The following TEAD4 variants were observed in gnomAD, a reference collection of about 807,000 sequenced individuals.
TEAD4 encodes transcriptional enhancer factor TEF-3.
Under a neutral mutation model 52.4 loss-of-function variants are expected in TEAD4, and 36 were observed. The observed-to-expected ratio is 0.69, with a 90% CI of 0.53 to 0.91. TEAD4 has a LOEUF of 0.91. Among genes scored for constraint, TEAD4 ranks in the 40% least tolerant of loss-of-function variants. The pLI, the probability that TEAD4 is intolerant of heterozygous loss-of-function variation, is 0.00. For synonymous variants in TEAD4, 220 were observed against 231.0 expected (o/e 0.95, Z 0.43); for missense variants, 508 against 583.9 (o/e 0.87, Z 1.34).
intron 10 of TEAD4, among the ~76,000 whole-genome samples, chr12:3,025,432 T>A (rs1170337557): frequency 6.6e-6 from 1 of 152,242 alleles, no homozygotes; most frequent in Non-Finnish European, 1.5e-5. Flanking sequence ...GAAATGTCAT[T>A]ATTTTTATTA....
intron 12 of TEAD4, 44 bp from the exon 13 acceptor site, chr12:3,040,321 C>G: frequency 6.2e-7 from 1 of 1,613,860 alleles, no homozygotes; most frequent in Non-Finnish European, 8.5e-7. Context: ...CATGGCATGC[C>G]CCTTCTGGGG....
chr12:3,040,066 A>G (rs1462756225), intron 11 of TEAD4, 41 bp from the exon 12 acceptor site: 1 of 1,608,594 alleles, frequency 6.2e-7, no homozygotes, highest in Non-Finnish European at 8.5e-7. Flanking sequence ...GGAGGTGGTC[A>G]GAATGGGATT....
chr12:2,989,460 A>T (rs577479367), intron 2 of TEAD4, among the ~76,000 whole-genome samples: 6 of 152,188 alleles, frequency 3.9e-5, no homozygotes, highest in African/African-American at 1.4e-4. Flanking sequence ...TGTTTTTGAG[A>T]CAGAATCTCC....
chr12:2,989,088 A>G (rs2098241031), intron 2 of TEAD4, among the ~76,000 whole-genome samples: 1 of 152,072 alleles, frequency 6.6e-6, no homozygotes. Flanking sequence ...GCACAGGTAA[A>G]ACAACCCAGG....
chr12:2,969,651 C>T (rs184611815), intron 2 of TEAD4, among the ~76,000 whole-genome samples: 32 of 152,298 alleles, frequency 2.1e-4, no homozygotes, highest in South Asian at 6.2e-4. Flanking sequence ...GGTAGTACAG[C>T]GAAGCTGCAC....
chr12:3,001,040 C>T (rs1427509764), intron 3 of TEAD4, among the ~76,000 whole-genome samples: 2 of 152,168 alleles, frequency 1.3e-5, no homozygotes, highest in African/African-American at 2.4e-5. Flanking sequence ...CTCCTCCCTG[C>T]GGCCTACAAC....
chr12:2,996,583 T>C (rs2098247393), intron 3 of TEAD4, among the ~76,000 whole-genome samples: 1 of 152,146 alleles, frequency 6.6e-6, no homozygotes, highest in Non-Finnish European at 1.5e-5. Context: ...GCTAATTTTG[T>C]ATTTTTAGTA....
chr12:3,018,754 A>G (rs1375136628), intron 7 of TEAD4, among the ~76,000 whole-genome samples, 166 bp downstream of exon 7: 1 of 152,092 alleles, frequency 6.6e-6, no homozygotes, highest in Non-Finnish European at 1.5e-5. Context: ...ACTGTCAGCC[A>G]TCACTGGGCT....
chr12:2,964,427 G>A (rs1456762784), intron 2 of TEAD4, among the ~76,000 whole-genome samples: 5 of 152,022 alleles, frequency 3.3e-5, no homozygotes, highest in Non-Finnish European at 7.4e-5. Flanking sequence ...CCAGGCTGGG[G>A]TCGCTGGACA....
intron 6 of TEAD4, 77 bp downstream of exon 6, chr12:3,017,603 C>T: frequency 6.7e-7 from 1 of 1,501,892 alleles, no homozygotes; most frequent in Non-Finnish European, 8.9e-7. Flanking sequence ...GAGCCAGAAG[C>T]ATTGGCCAGC....
chr12:3,021,348 C>T (rs1347400707), intron 9 of TEAD4, among the ~76,000 whole-genome samples: 1 of 144,128 alleles, frequency 6.9e-6, no homozygotes, highest in East Asian at 2.1e-4. Context: ...CTCACTCTGT[C>T]ACCCAGGCTG....
intron 10 of TEAD4, among the ~76,000 whole-genome samples, chr12:3,023,623 T>A (rs1308980029): frequency 3.3e-4 from 48 of 147,666 alleles, no homozygotes; most frequent in African/African-American, 1.1e-3. Flanking sequence ...CTATCTCTAC[T>A]TAAAAAAAAA....
intron 10 of TEAD4, among the ~76,000 whole-genome samples, chr12:3,036,358 A>G (rs1004874256): frequency 1.1e-4 from 17 of 152,044 alleles, no homozygotes; most frequent in Non-Finnish European, 2.9e-5. Flanking sequence ...CTATTGTGCT[A>G]TAGACAATCA....
At position 2,968,375 on chromosome 12, in the gene TEAD4, C is replaced by T. The variant is rs1201230045; in HGVS notation, c.-30+8335C>T. ...TGCTGGGATTACAGGTGTGAGCCAC[C>T]GCGCCCGGCCTTTTTTTTTTTTTTT... On this transcript the variant is annotated intron_variant, in intron 2 of 12. Transcript: ENST00000359864. Among the ~76,000 whole-genome samples, 33 of 144,470 alleles carry T rather than the reference C, an allele frequency of 2.3e-4. 2 individuals carry two copies. The highest frequency in any genetic ancestry group is 8.4e-4 in the African/African-American group (33 of 39,300). The allele number at this position is 144,470 out of a possible 152,430, so 94.8% of individuals were successfully genotyped here. A position where few individuals can be genotyped will look rare whatever the true frequency, so the allele number is the denominator to read the frequency against.
chr12:2,971,189 G>A (rs1200837714), intron 2 of TEAD4, among the ~76,000 whole-genome samples: 3 of 152,178 alleles, frequency 2.0e-5, no homozygotes, highest in African/African-American at 4.8e-5. Flanking sequence ...ACTGCAAGAC[G>A]AAAGAACGTG....
Position 3,020,643 on chromosome 12 carries a change from C to T in TEAD4, c.593C>T (p.Ser198Phe), listed in dbSNP as rs1224622323. 3.8e-6 allele frequency: 6 copies of T among 1,577,638 alleles called. No homozygotes were observed. Among genetic ancestry groups the T allele is most frequent in the Non-Finnish European group, 5.2e-6 (6 of 1,160,376 alleles). Residue 198 changes from serine to phenylalanine, a missense_variant, in exon 9 of 13, where the codon TCT (serine) becomes TTT (phenylalanine). Transcript: ENST00000359864. Reference sequence around the variant, plus strand: ...TTCTCACTTTGTGCAGGGTTTGAGTCTCCTGCAGGGCCCGCCCCATCGCCC... The same window carrying T: ...TTCTCACTTTGTGCAGGGTTTGAGTTTCCTGCAGGGCCCGCCCCATCGCCC...
rs1297037007 is a variant in TEAD4 at position 3,019,211 on chromosome 12, G to A, written c.583+41G>A. The A allele has an allele frequency of 1.9e-6, 3 of 1,610,116 alleles. No individual in the cohort carries two copies. In the African/African-American group the frequency reaches 4.0e-5, roughly 21 times the overall value. On this transcript the variant is annotated intron_variant, in intron 8 of 12. Transcript: ENST00000359864. Reference sequence around the variant, plus strand: ...GTGGCCCCCTTTCTATCGCAGCCATGTGGCTCCTGCCTCTGGGTCCAGGCC... The same window carrying A: ...GTGGCCCCCTTTCTATCGCAGCCATATGGCTCCTGCCTCTGGGTCCAGGCC...
chr12:2,959,926 T>A lies in TEAD4; in HGVS notation c.-122-22T>A, dbSNP rs1182163601. The A allele has an allele frequency of 6.6e-6, 1 of 152,124 alleles. No individual in the cohort carries two copies. Among genetic ancestry groups the A allele is most frequent in the Non-Finnish European group, 1.5e-5 (1 of 68,046 alleles). 9.4% of individuals were successfully genotyped at this position (152,124 alleles called of 1,614,324 possible). ...CCGGCCGGAGCCCGGCTCTGCGCGC[T>A]GACGCCCTGTCGTCCCCGCAGAACG... On this transcript the variant is annotated intron_variant, in intron 1 of 12. Transcript: ENST00000359864. The surrounding 1 kb of genome is among the most constrained non-coding windows in gnomAD (Gnocchi z 5.1).
intron 11 of TEAD4, 77 bp from the exon 12 acceptor site, chr12:3,040,030 C>T: frequency 2.5e-6 from 4 of 1,575,800 alleles, no homozygotes; most frequent in Admixed American, 3.5e-5. Flanking sequence ...TTCTGCCTTT[C>T]CTTCCCGTGG....
Sources: allele counts gnomAD v4.1 joint callset (sites outside exome capture counted in the v4.1 genomes callset), GRCh38; gene constraint gnomAD v4.1.1; non-coding constraint Gnocchi (gnomAD v3.1); transcripts MANE v1.5; gene names NCBI Gene and HGNC (gene_info 2026-07-23, HGNC 2026-07-21).